The following STK39 variants were observed in gnomAD, a reference collection of about 807,000 sequenced individuals.
STK39 encodes the protein serine/threonine kinase 39, also known as STE20/SPS1-related proline-alanine-rich protein kinase.
STK39 carries 20 observed loss-of-function variants against 77.8 expected under a neutral mutation model. The ratio of observed to expected loss-of-function variants is 0.26; its 90% CI spans 0.18 to 0.37. The LOEUF is 0.37. Ranked by LOEUF, STK39 falls within the 10% of genes least tolerant of loss-of-function variation. The pLI is 1.00. For synonymous variants in STK39, 246 were observed against 234.1 expected, an observed-to-expected ratio of 1.05 and a Z score of -0.47; for missense variants, 479 against 656.5, an observed-to-expected ratio of 0.73 and a Z score of 2.95.
intron 1 of STK39, among the ~76,000 whole-genome samples, chr2:168,244,213 A>C (rs1176208769): frequency 6.6e-6 from 1 of 152,240 alleles, no homozygotes; most frequent in African/African-American, 2.4e-5. Flanking sequence ...ACAATACAAT[A>C]AAGAGAAAAC....
At chr2:168,029,288 G>A (rs1014228673) in intron 14 of STK39, among the ~76,000 whole-genome samples, 2 of 152,176 alleles carry the variant, frequency 1.3e-5, no homozygotes, top group African/African-American at 2.4e-5. Flanking sequence ...CTGTTGCATA[G>A]TATAGTTCTA....
At chr2:168,229,968 T>TA (rs1383452570) in intron 1 of STK39, among the ~76,000 whole-genome samples, 1 of 152,222 alleles carries the variant, frequency 6.6e-6, no homozygotes, top group African/African-American at 2.4e-5. Flanking sequence ...TACAGCAAAT[T>TA]AGTCTATGAA....
intron 2 of STK39, among the ~76,000 whole-genome samples, chr2:168,174,375 G>A (rs80329828): frequency 2.0e-5 from 3 of 152,250 alleles, no homozygotes; most frequent in East Asian, 1.9e-4. Context: ...ATGAAATTGC[G>A]TGCTCTGCAA....
chr2:168,196,266 T>C (rs906654472), intron 1 of STK39, among the ~76,000 whole-genome samples: 1 of 152,256 alleles, frequency 6.6e-6, no homozygotes, highest in Non-Finnish European at 1.5e-5. Context: ...GAGCTTCTAG[T>C]ATGTGCCATG....
At chr2:168,127,523 T>C (rs1181947641) in intron 10 of STK39, among the ~76,000 whole-genome samples, 1 of 152,142 alleles carries the variant, frequency 6.6e-6, no homozygotes, top group Non-Finnish European at 1.5e-5. Context: ...TTCAAAAAGC[T>C]CCAAAGGAAA....
intron 16 of STK39, among the ~76,000 whole-genome samples, chr2:167,993,560 AC>A (rs1423396128): frequency 1.3e-5 from 2 of 152,090 alleles, no homozygotes; most frequent in Admixed American, 1.3e-4. Flanking sequence ...TAAAATCAAC[AC>A]TGTGGAGAGC....
intron 15 of STK39, among the ~76,000 whole-genome samples, chr2:168,014,982 T>C (rs1684369415): frequency 6.6e-6 from 1 of 152,172 alleles, no homozygotes; most frequent in Non-Finnish European, 1.5e-5. Context: ...CATACCAAAA[T>C]GGCAAACAGG....
At chr2:168,216,627 A>G (rs1690031353) in intron 1 of STK39, among the ~76,000 whole-genome samples, 1 of 152,208 alleles carries the variant, frequency 6.6e-6, no homozygotes, top group Non-Finnish European at 1.5e-5. Flanking sequence ...GCAAATCGCC[A>G]TCCTCAGCTT....
chr2:168,156,935 A>C (rs1253954482), intron 5 of STK39, among the ~76,000 whole-genome samples: 2 of 152,168 alleles, frequency 1.3e-5, no homozygotes, highest in Non-Finnish European at 2.9e-5. Context: ...AACACAAAAA[A>C]TAACTCTTAA....
chr2:168,206,525 T>G (rs1309176268), intron 1 of STK39, among the ~76,000 whole-genome samples: 1 of 152,130 alleles, frequency 6.6e-6, no homozygotes, highest in Non-Finnish European at 1.5e-5. Context: ...TGGTTCCAAC[T>G]CCCGAGCTCA....
intron 14 of STK39, among the ~76,000 whole-genome samples, chr2:168,018,264 C>T (rs2105321405): frequency 6.6e-6 from 1 of 152,170 alleles, no homozygotes; most frequent in East Asian, 1.9e-4. Context: ...CTTTGAGAGG[C>T]TGAGGCAGGT....
intron 1 of STK39, among the ~76,000 whole-genome samples, chr2:168,245,382 T>C (rs1422650083): frequency 6.6e-6 from 1 of 152,236 alleles, no homozygotes; most frequent in Non-Finnish European, 1.5e-5. Context: ...TTAATTTCTA[T>C]ATTGCTAGCA....
At chr2:168,002,476 T>C (rs1183529898) in intron 16 of STK39, among the ~76,000 whole-genome samples, 2 of 152,220 alleles carry the variant, frequency 1.3e-5, no homozygotes, top group Non-Finnish European at 2.9e-5. Context: ...TCATTCTATG[T>C]TAGAATCTGC....
intron 1 of STK39, among the ~76,000 whole-genome samples, chr2:168,192,372 G>A (rs1689360618): frequency 6.6e-6 from 1 of 152,254 alleles, no homozygotes; most frequent in East Asian, 1.9e-4. Flanking sequence ...CCAAAACGAG[G>A]CTGGGGCTTT....
At chr2:168,191,950 G>A (rs1365830909) in intron 1 of STK39, among the ~76,000 whole-genome samples, 1 of 152,074 alleles carries the variant, frequency 6.6e-6, no homozygotes, top group South Asian at 2.1e-4. Context: ...ACACATTTAG[G>A]AGGAAACCTA....
At chr2:168,167,454 G>T (rs769381665) in intron 2 of STK39, 47 bp from the exon 3 acceptor site, 2 of 1,553,218 alleles carry the variant, frequency 1.3e-6, no homozygotes, top group Non-Finnish European at 1.8e-6. Context: ...GTGAAAATTG[G>T]CAAGCAAAAC....
At chr2:168,110,273 C>T (rs1687087349) in intron 10 of STK39, among the ~76,000 whole-genome samples, 1 of 152,146 alleles carries the variant, frequency 6.6e-6, no homozygotes, top group Non-Finnish European at 1.5e-5. Context: ...TGCTCTGTCA[C>T]CCAGGCTGCA....
intron 16 of STK39, among the ~76,000 whole-genome samples, chr2:167,991,094 C>T (rs1482672079): frequency 6.6e-6 from 1 of 152,178 alleles, no homozygotes; most frequent in Non-Finnish European, 1.5e-5. Flanking sequence ...GAATGTTTGG[C>T]AGATACAAAC....
intron 1 of STK39, among the ~76,000 whole-genome samples, chr2:168,210,063 A>C (rs1689850618): frequency 6.7e-6 from 1 of 150,204 alleles, no homozygotes; most frequent in Non-Finnish European, 1.5e-5. Context: ...GGAAGGAAGG[A>C]AGGAAGGAAG....
Sources: allele counts gnomAD v4.1 joint callset (sites outside exome capture counted in the v4.1 genomes callset), GRCh38; gene constraint gnomAD v4.1.1; transcripts MANE v1.5; gene names NCBI Gene and HGNC (gene_info 2026-07-23, HGNC 2026-07-21).